The following LRRTM4 variants were observed in gnomAD, a reference collection of about 807,000 sequenced individuals.
LRRTM4 encodes the protein leucine rich repeat transmembrane neuronal 4, also known as leucine-rich repeat transmembrane neuronal protein 4.
Under a neutral mutation model 47.6 loss-of-function variants are expected in LRRTM4, and 25 were observed. That is an observed-to-expected ratio of 0.53 (90% CI 0.38 to 0.73). The LOEUF (loss-of-function observed/expected upper bound fraction) is 0.73. Among genes scored for constraint, LRRTM4 ranks in the 30% least tolerant of loss-of-function variants. The probability of loss-of-function intolerance (pLI) is 0.00; values close to 1 mark genes in which losing one functional copy is unlikely to be tolerated. For synonymous variants in LRRTM4, 311 were observed against 269.5 expected (o/e 1.15, Z -1.51); for missense variants, 638 against 713.4 (o/e 0.89, Z 1.20).
chr2:76,922,780 T>C (rs13393238), intron 3 of LRRTM4, among the ~76,000 whole-genome samples: 56,062 of 151,828 alleles, frequency 0.37, 11,294 homozygotes, highest in East Asian at 0.72. Context: ...TCTCACCACA[T>C]ATGCAAATGG....
chr2:77,254,959 G>C (rs775858201), intron 3 of LRRTM4, among the ~76,000 whole-genome samples: 1 of 149,048 alleles, frequency 6.7e-6, no homozygotes, highest in Non-Finnish European at 1.5e-5. Flanking sequence ...TTCATTAAAC[G>C]TAAATAATCT....
intron 3 of LRRTM4, among the ~76,000 whole-genome samples, chr2:76,884,102 A>C (rs891300369): frequency 2.6e-5 from 4 of 151,950 alleles, no homozygotes; most frequent in African/African-American, 9.7e-5. Context: ...CACCATGCCC[A>C]GCCAGGAAAT....
intron 3 of LRRTM4, among the ~76,000 whole-genome samples, chr2:77,172,266 T>A (rs1673068910): frequency 6.6e-6 from 1 of 152,142 alleles, no homozygotes; most frequent in Non-Finnish European, 1.5e-5. Flanking sequence ...CCCCTTTGTT[T>A]ACTCAGAATC....
At chr2:77,038,384 G>A (rs895391178) in intron 3 of LRRTM4, among the ~76,000 whole-genome samples, 1 of 151,500 alleles carries the variant, frequency 6.6e-6, no homozygotes, top group Non-Finnish European at 1.5e-5. Context: ...TCCTAAAATA[G>A]AATCTGCTTT....
intron 3 of LRRTM4, among the ~76,000 whole-genome samples, chr2:76,910,718 T>C (rs1674023793): frequency 6.6e-6 from 1 of 152,188 alleles, no homozygotes; most frequent in Admixed American, 6.6e-5. Flanking sequence ...TGGTCACTCA[T>C]TCAGAAACAC....
At chr2:77,473,240 A>T (rs541441736) in intron 3 of LRRTM4, among the ~76,000 whole-genome samples, 1 of 152,292 alleles carries the variant, frequency 6.6e-6, no homozygotes, top group African/African-American at 2.4e-5. Context: ...ATGTTACAAT[A>T]TATTGTTGAA....
intron 3 of LRRTM4, among the ~76,000 whole-genome samples, chr2:76,812,776 C>CCCTCCTCCTCTCCCTCCCCCTT (rs1553413538): frequency 3.5e-5 from 3 of 85,636 alleles, no homozygotes; most frequent in Non-Finnish European, 6.4e-5. Context: ...CTCTCCCTCC[C>CCCTCCTCCTCTCCCTCCCCCTT]CCTCCTCCTC....
At chr2:77,229,378 G>C (rs879286367) in intron 3 of LRRTM4, among the ~76,000 whole-genome samples, 2 of 151,874 alleles carry the variant, frequency 1.3e-5, no homozygotes, top group Admixed American at 6.6e-5. Context: ...AACTTTCTAC[G>C]AGAGTCTTAA....
At chr2:77,238,280 A>G (rs1675163714) in intron 3 of LRRTM4, among the ~76,000 whole-genome samples, 1 of 152,146 alleles carries the variant, frequency 6.6e-6, no homozygotes, top group Non-Finnish European at 1.5e-5. Flanking sequence ...AAATGTATTA[A>G]AAAATAAGTA....
At chr2:77,102,683 A>T (rs1670988107) in intron 3 of LRRTM4, among the ~76,000 whole-genome samples, 1 of 152,188 alleles carries the variant, frequency 6.6e-6, no homozygotes, top group Admixed American at 6.5e-5. Flanking sequence ...GACTGAAGAA[A>T]GGGCTATCAA....
intron 3 of LRRTM4, among the ~76,000 whole-genome samples, chr2:76,894,834 C>G (rs1311330860): frequency 6.6e-6 from 1 of 151,588 alleles, no homozygotes; most frequent in East Asian, 1.9e-4. Flanking sequence ...TATAATACGT[C>G]TGTTGCAATA....
intron 3 of LRRTM4, among the ~76,000 whole-genome samples, chr2:77,396,816 G>A (rs577299100): frequency 6.6e-6 from 1 of 151,942 alleles, no homozygotes; most frequent in East Asian, 2.0e-4. Context: ...AGAGTGTTGA[G>A]CAACAAGTTC....
intron 3 of LRRTM4, among the ~76,000 whole-genome samples, chr2:76,871,372 T>C (rs951231122): frequency 1.3e-5 from 2 of 152,162 alleles, no homozygotes; most frequent in Admixed American, 6.6e-5. Context: ...TGCCTAGTAG[T>C]TAGCAGAGAA....
intron 3 of LRRTM4, among the ~76,000 whole-genome samples, chr2:76,753,611 G>C (rs772711877): frequency 4.6e-5 from 7 of 152,142 alleles, no homozygotes; most frequent in Non-Finnish European, 5.9e-5. Flanking sequence ...CATAGTGTTA[G>C]TAATTCAAAA....
intron 3 of LRRTM4, among the ~76,000 whole-genome samples, chr2:77,489,922 A>G (rs761510365): frequency 2.6e-5 from 4 of 152,228 alleles, no homozygotes; most frequent in Non-Finnish European, 4.4e-5. Context: ...AGAAAGATCC[A>G]GAAGTCATAT....
At chr2:77,485,897 A>ATTTTT (rs70956636) in intron 3 of LRRTM4, among the ~76,000 whole-genome samples, 15 of 148,132 alleles carry the variant, frequency 1.0e-4, no homozygotes, top group Admixed American at 4.0e-4. Flanking sequence ...CAGTCGGCTA[A>ATTTTT]TTTTTTTTTT....
intron 3 of LRRTM4, among the ~76,000 whole-genome samples, chr2:77,100,164 G>A (rs1312288327): frequency 6.6e-6 from 1 of 152,092 alleles, no homozygotes; most frequent in Non-Finnish European, 1.5e-5. Context: ...CATTGATAAT[G>A]TTGACTGCGA....
Position 77,518,351 on chromosome 2 carries a change from G to T in LRRTM4, c.1518C>A (p.Cys506Ter). Residue 506 changes from cysteine to a stop codon, truncating the protein, a stop_gained, in exon 3 of 4, where the codon TGC (cysteine) becomes TGA (stop). Transcript: ENST00000409884. LOFTEE classifies it high-confidence loss of function. Reference protein sequence around the residue: ...MDISVNGSGPCTYTISGSREC... With the variant: ...MDISVNGSGP ...CCCTGGAGCCAGAGATGGTATATGT[G>T]CAGGGCCCAGATCCATTAACCGATA... is the stretch of plus-strand genomic sequence containing the variant. 1 of 1,611,898 alleles carries T rather than the reference G, an allele frequency of 6.2e-7. No homozygotes were observed. Among genetic ancestry groups the T allele is most frequent in the Non-Finnish European group, 8.5e-7 (1 of 1,179,008 alleles).
intron 3 of LRRTM4, among the ~76,000 whole-genome samples, chr2:77,135,215 C>T (rs929387604): frequency 2.6e-5 from 4 of 152,204 alleles, no homozygotes; most frequent in African/African-American, 9.6e-5. Flanking sequence ...CATCACTACT[C>T]ATAGGTTGAA....
Sources: gnomAD v4.1 joint callset for allele counts (sites outside exome capture counted in the v4.1 genomes callset) on GRCh38, gnomAD v4.1.1 for gene constraint, MANE v1.5 for transcripts, NCBI Gene and HGNC (gene_info 2026-07-23, HGNC 2026-07-21) for gene names.